Variants in IL18RAP observed in about 807,000 individuals in gnomAD.
IL18RAP encodes interleukin 18 receptor accessory protein.
A neutral mutation model predicts 58.1 loss-of-function variants in IL18RAP; 37 were observed. The observed-to-expected ratio is 0.64, with a 90% CI of 0.49 to 0.84. The LOEUF is 0.84. IL18RAP is among the 40% of genes least tolerant of loss of function. The probability of loss-of-function intolerance (pLI) is 0.00; values close to 1 mark genes in which losing one functional copy is unlikely to be tolerated. For missense variants in IL18RAP, 667 were observed against 704.8 expected (o/e 0.95, Z 0.61); for synonymous variants, 268 against 257.5 (o/e 1.04, Z -0.39).
chr2:102,447,040 T>C (rs1327930067), intron 7 of IL18RAP, 30 bp from the exon 8 acceptor site: 1 of 1,610,048 alleles, frequency 6.2e-7, no homozygotes, highest in South Asian at 1.1e-5. Context: ...GCTGCCTCTA[T>C]GTCTCTTCAT....
intron 3 of IL18RAP, among the ~76,000 whole-genome samples, chr2:102,428,242 C>A (rs538882023): frequency 6.6e-6 from 1 of 151,492 alleles, no homozygotes; most frequent in African/African-American, 2.4e-5. Context: ...TAAAAAACAA[C>A]GACATTTTGA....
intron 5 of IL18RAP, among the ~76,000 whole-genome samples, chr2:102,441,709 G>A (rs1387703211): frequency 3.3e-5 from 5 of 152,022 alleles, no homozygotes; most frequent in Admixed American, 3.3e-4. Flanking sequence ...CCAACATGGT[G>A]AAACCCCATC....
chr2:102,419,008 C>T (rs2293223), upstream of IL18RAP: 33,015 of 151,256 alleles, frequency 0.22, 4,069 homozygotes, highest in African/African-American at 0.33. Flanking sequence ...GGGAGAATAG[C>T]TTAAATAATT....
intron 3 of IL18RAP, among the ~76,000 whole-genome samples, chr2:102,427,612 A>T (rs1354622413): frequency 6.6e-6 from 1 of 152,002 alleles, no homozygotes; most frequent in Non-Finnish European, 1.5e-5. Context: ...TATATTCTTC[A>T]CATTAACTCC....
intron 1 of IL18RAP, 73 bp downstream of exon 1, chr2:102,423,420 A>G (rs917307459): frequency 7.5e-6 from 9 of 1,201,772 alleles, no homozygotes; most frequent in African/African-American, 1.5e-5. Context: ...AACCTGATAT[A>G]TCAGCAGTGT....
At chr2:102,423,023 G>GT (rs1681672263), upstream of IL18RAP, 1 of 519,094 alleles carries the variant, frequency 1.9e-6, no homozygotes, top group Non-Finnish European at 3.5e-6. Context: ...AATGACACAA[G>GT]TGAAAAGGTT....
intron 8 of IL18RAP, among the ~76,000 whole-genome samples, chr2:102,447,536 G>T (rs1438583683): frequency 6.6e-6 from 1 of 152,004 alleles, no homozygotes; most frequent in East Asian, 1.9e-4. Context: ...AAACATGTTG[G>T]ACTTAAAAAT....
At chr2:102,432,424 C>CTTTTAGT (rs1682435419) in intron 3 of IL18RAP, 1 of 154,326 alleles carries the variant, frequency 6.5e-6, no homozygotes, top group African/African-American at 2.4e-5. Context: ...GCTTAATTAA[C>CTTTTAGT]TAAAAGGGCA....
chr2:102,421,286 C>A (rs949111571), upstream of IL18RAP, among the ~76,000 whole-genome samples: 7 of 150,894 alleles, frequency 4.6e-5, no homozygotes, highest in Non-Finnish European at 8.9e-5. Flanking sequence ...AGGGAGAGGG[C>A]GCTTCTTTAT....
chr2:102,435,308 G>A (rs1682663344), intron 3 of IL18RAP: 1 of 152,198 alleles, frequency 6.6e-6, no homozygotes, highest in Admixed American at 6.5e-5. Context: ...ACAGAAAGAA[G>A]TGGAAACAGA....
At chr2:102,450,814 G>A in intron 8 of IL18RAP, 34 bp from the exon 9 acceptor site, 1 of 1,423,670 alleles carries the variant, frequency 7.0e-7, no homozygotes, top group South Asian at 1.4e-5. Context: ...AAGAGTAAAT[G>A]ACTTATGTTT....
At chr2:102,435,686 AAC>A (rs1394781445) in intron 3 of IL18RAP, among the ~76,000 whole-genome samples, 1 of 152,220 alleles carries the variant, frequency 6.6e-6, no homozygotes. Flanking sequence ...CCCATAGAAT[AAC>A]ACAGTGTGCG....
rs1452628119 is a variant in IL18RAP, at chr2:102,451,792, A to G, written c.1411A>G (p.Ile471Val). The G allele has an allele frequency of 6.2e-7, 1 of 1,613,436 alleles. No individual in the cohort carries two copies. Among genetic ancestry groups the G allele is most frequent in the South Asian group, 1.1e-5 (1 of 90,986 alleles). ...GVYAEDIVSI[I>V]KRSRRGIFIL... Reference sequence around the variant, plus strand: ...GTATGCAGAAGACATTGTGAGCATTATTAAGAGAAGCAGAAGAGGAATATT... The same window carrying G: ...GTATGCAGAAGACATTGTGAGCATTGTTAAGAGAAGCAGAAGAGGAATATT... Residue 471 changes from isoleucine (I) to valine (V), a missense_variant, in exon 10 of 10, where the codon ATT becomes GTT. Physicochemically the swap from Ile to Val is conservative, Grantham distance 29. Coordinates refer to ENST00000687160, the MANE Select transcript of IL18RAP (RefSeq NM_001393487.1).
rs143062976 is a variant in IL18RAP, at chr2:102,423,721, C to G, written c.71-90C>G. ...AGAAAGACACACAAGGAAGCTAGAT[C>G]TCTTGTTAAATCAAGTACTAGATGT... On this transcript the variant is annotated intron_variant, in intron 1 of 9. Transcript: ENST00000687160. The G allele has an allele frequency of 8.3e-5, 76 of 914,542 alleles. 1 individual carries two copies. The East Asian group carries it at 2.0e-3, about 23-fold the overall frequency. 56.7% of individuals were successfully genotyped at this position (914,542 alleles called of 1,614,324 possible).
chr2:102,433,399 T>A (rs1573278253), intron 3 of IL18RAP, among the ~76,000 whole-genome samples: 1 of 152,294 alleles, frequency 6.6e-6, no homozygotes, highest in Middle Eastern at 3.4e-3. Context: ...ATTTTAAAAA[T>A]TTTTTGTAGA....
chr2:102,441,293 C>A lies in IL18RAP; in HGVS notation c.731-19C>A. On this transcript the variant is annotated intron_variant, in intron 4 of 9. Coordinates refer to ENST00000687160, the MANE Select transcript of IL18RAP (RefSeq NM_001393487.1). Reference sequence around the variant, plus strand: ...CAGACTTTCCAATGCAAATAGTAATCTTTGTTTTCATCTTTCAGTGGGAGA... The same window carrying A: ...CAGACTTTCCAATGCAAATAGTAATATTTGTTTTCATCTTTCAGTGGGAGA... 2.5e-6 allele frequency: 4 copies of A among 1,606,618 alleles called. No individual in the cohort carries two copies. The highest frequency in any genetic ancestry group is 1.7e-6 in the Non-Finnish European group (2 of 1,173,664).
At chr2:102,433,998 T>G (rs6543134) in intron 3 of IL18RAP, 118,177 of 152,218 alleles carry the variant, frequency 0.78, 46,920 homozygotes, top group African/African-American at 0.9. Context: ...AAATAGAGAA[T>G]AAGTTAATTT....
chr2:102,419,805 A>T (rs1438313924), upstream of IL18RAP: 1 of 152,314 alleles, frequency 6.6e-6, no homozygotes, highest in East Asian at 1.9e-4. Context: ...CAGGTATGTG[A>T]TTATCATTGA....
upstream of IL18RAP, among the ~76,000 whole-genome samples, chr2:102,420,438 G>C (rs115711036): frequency 2.2e-3 from 341 of 152,344 alleles, 1 homozygote; most frequent in African/African-American, 7.7e-3. Context: ...CTGTCCCAGA[G>C]TGATAGCTGC....
Sources: allele counts gnomAD v4.1 joint callset (sites outside exome capture counted in the v4.1 genomes callset), GRCh38; gene constraint gnomAD v4.1.1; transcripts MANE v1.5; gene names NCBI Gene and HGNC (gene_info 2026-07-23, HGNC 2026-07-21).